Variants in TBC1D5 observed in about 807,000 individuals in gnomAD.
The protein encoded by TBC1D5 is TBC1 domain family, member 5.
TBC1D5 carries 75 observed loss-of-function variants against 100.3 expected under a neutral mutation model. The observed-to-expected ratio is 0.75, with a 90% confidence interval of 0.62 to 0.91. The LOEUF (loss-of-function observed/expected upper bound fraction) is 0.91. Ranked by LOEUF, TBC1D5 falls within the 40% of genes least tolerant of loss-of-function variation. The pLI is 0.00. For synonymous variants in TBC1D5, 323 were observed against 325.6 expected (o/e 0.99, Z 0.09); for missense variants, 910 against 942.4 (o/e 0.97, Z 0.45).
intron 2 of TBC1D5, among the ~76,000 whole-genome samples, chr3:17,594,261 T>C (rs574655876): frequency 6.6e-6 from 1 of 152,132 alleles, no homozygotes; most frequent in South Asian, 2.1e-4. Flanking sequence ...AAAGGAAGAG[T>C]GTGCATGGAA....
At chr3:17,179,431 T>G (rs1434380279) in intron 19 of TBC1D5, among the ~76,000 whole-genome samples, 2 of 152,248 alleles carry the variant, frequency 1.3e-5, no homozygotes, top group African/African-American at 4.8e-5. Context: ...ACTGGCCTCC[T>G]TTTTCAGCTA....
intron 2 of TBC1D5, among the ~76,000 whole-genome samples, chr3:17,523,164 C>A (rs1391700256): frequency 1.3e-5 from 2 of 152,106 alleles, no homozygotes; most frequent in East Asian, 3.8e-4. Context: ...ACATAGGTGG[C>A]AATTGAGTCT....
chr3:17,180,630 T>C (rs952949815), intron 19 of TBC1D5, among the ~76,000 whole-genome samples: 1 of 152,104 alleles, frequency 6.6e-6, no homozygotes, highest in Non-Finnish European at 1.5e-5. Flanking sequence ...TGCAGCAACA[T>C]GGATGGAACT....
chr3:17,491,346 T>C (rs2095637616), intron 3 of TBC1D5, among the ~76,000 whole-genome samples: 1 of 152,190 alleles, frequency 6.6e-6, no homozygotes, highest in South Asian at 2.1e-4. Flanking sequence ...TTCAATACTA[T>C]GTTAAATAGG....
intron 1 of TBC1D5, among the ~76,000 whole-genome samples, chr3:17,627,597 C>G (rs2063160305): frequency 6.6e-6 from 1 of 150,564 alleles, no homozygotes; most frequent in Non-Finnish European, 1.5e-5. Flanking sequence ...CTTTACCCAA[C>G]ATTGTTAAAC....
rs118120355 is a variant in TBC1D5 at position 17,200,399 on chromosome 3, T to C, written c.1752+13808A>G. 1.6e-3 allele frequency among the ~76,000 whole-genome samples: 244 copies of C among 152,356 alleles called. No homozygotes were observed. The East Asian group carries it at 0.04, about 25-fold the overall frequency. On this transcript the variant is annotated intron_variant, in intron 18 of 21. Transcript: ENST00000253692. The stretch of plus-strand genomic sequence containing the variant: ...GCATTACCACCTGAGTCCCACCTCC[T>C]GTCAGATCAGCAGCAGCATTAGATT...
At chr3:17,461,004 T>G (rs773977639) in intron 3 of TBC1D5, among the ~76,000 whole-genome samples, 3 of 152,196 alleles carry the variant, frequency 2.0e-5, no homozygotes, top group African/African-American at 4.8e-5. Context: ...TAACTGTGGT[T>G]GATCCACAGA....
intron 15 of TBC1D5, among the ~76,000 whole-genome samples, chr3:17,289,501 G>A (rs1405402896): frequency 6.6e-6 from 1 of 151,970 alleles, no homozygotes; most frequent in Non-Finnish European, 1.5e-5. Context: ...GGGTGTGATG[G>A]TGGACACCTG....
At chr3:17,318,789 T>C (rs952412290) in intron 13 of TBC1D5, among the ~76,000 whole-genome samples, 6 of 152,226 alleles carry the variant, frequency 3.9e-5, no homozygotes, top group African/African-American at 1.2e-4. Context: ...TCGGAATGCA[T>C]AGTATCTACT....
At chr3:17,580,332 C>T (rs978756118) in intron 2 of TBC1D5, among the ~76,000 whole-genome samples, 1 of 151,944 alleles carries the variant, frequency 6.6e-6, no homozygotes, top group African/African-American at 2.4e-5. Context: ...AAACACCATA[C>T]ATTTACATTG....
chr3:17,427,404 T>C (rs2094357880), intron 4 of TBC1D5, among the ~76,000 whole-genome samples: 1 of 151,948 alleles, frequency 6.6e-6, no homozygotes, highest in Admixed American at 6.6e-5. Flanking sequence ...GCCTCCTGTA[T>C]AAAAGGCCCA....
At chr3:17,706,483 T>C (rs894232078) in intron 1 of TBC1D5, among the ~76,000 whole-genome samples, 2 of 152,168 alleles carry the variant, frequency 1.3e-5, no homozygotes, top group East Asian at 1.9e-4. Context: ...CTTTTAAACA[T>C]GTATTTCTTG....
rs1207028016 is a variant in TBC1D5, at chr3:17,689,535, AAGAAAAGAAAAAG to A, written c.-101+49795_-101+49807del. ...CCCTGTCTCAAAAAAAAAAAAAAAAAAGAAAAGAAAAAGAGAAAAAAGGGAGGGAGGGGAATTC... is the reference window on the plus strand; with the variant it reads ...CCCTGTCTCAAAAAAAAAAAAAAAAAAGAAAAAAGGGAGGGAGGGGAATTC... On this transcript the variant is annotated intron_variant, in intron 1 of 21. Coordinates refer to ENST00000253692, the Ensembl canonical transcript of TBC1D5. Among the ~76,000 whole-genome samples, 404 of 151,498 alleles carry A rather than the reference AAGAAAAGAAAAAG, an allele frequency of 2.7e-3. 3 individuals are homozygous for A. Among genetic ancestry groups the A allele is most frequent in the African/African-American group, 9.3e-3 (385 of 41,352 alleles).
At chr3:17,341,321 C>T (rs1026870695) in intron 13 of TBC1D5, among the ~76,000 whole-genome samples, 4 of 152,048 alleles carry the variant, frequency 2.6e-5, no homozygotes, top group East Asian at 1.9e-4. Flanking sequence ...CTCAGCCTCC[C>T]GAGTAGCTGG....
chr3:17,594,645 T>C (rs2060450190), intron 2 of TBC1D5, among the ~76,000 whole-genome samples: 2 of 152,200 alleles, frequency 1.3e-5, no homozygotes, highest in Admixed American at 6.5e-5. Context: ...TCACATGACA[T>C]AGATTTACCG....
intron 17 of TBC1D5, among the ~76,000 whole-genome samples, chr3:17,214,794 T>C (rs2073426070): frequency 6.6e-6 from 1 of 152,098 alleles, no homozygotes; most frequent in African/African-American, 2.4e-5. Flanking sequence ...GGCCAAAGTT[T>C]TTCAAAAAAG....
chr3:17,626,945 G>T (rs1178993712), intron 1 of TBC1D5, among the ~76,000 whole-genome samples: 1 of 152,150 alleles, frequency 6.6e-6, no homozygotes, highest in Non-Finnish European at 1.5e-5. Flanking sequence ...GCCAATGAAG[G>T]TTCCTAAGCA....
chr3:17,358,493 C>T (rs2091425213), intron 13 of TBC1D5, among the ~76,000 whole-genome samples: 1 of 152,038 alleles, frequency 6.6e-6, no homozygotes, highest in South Asian at 2.1e-4. Context: ...GCCCACTGTC[C>T]TTAATAGCAC....
At chr3:17,497,084 T>A (rs1477570225) in intron 3 of TBC1D5, among the ~76,000 whole-genome samples, 1 of 115,050 alleles carries the variant, frequency 8.7e-6, no homozygotes, top group African/African-American at 3.7e-5. Context: ...TCTCTCTCTC[T>A]CTGACACACA....
Sources: allele counts gnomAD v4.1 joint callset (sites outside exome capture counted in the v4.1 genomes callset), GRCh38; gene constraint gnomAD v4.1.1; transcripts MANE v1.5; gene names NCBI Gene and HGNC (gene_info 2026-07-23, HGNC 2026-07-21).